Variants in CLDN16 observed in about 807,000 individuals in gnomAD.
CLDN16 encodes claudin-16.
Under a neutral mutation model 24.6 loss-of-function variants are expected in CLDN16, and 13 were observed. That is an observed-to-expected ratio of 0.53 (90% CI 0.34 to 0.84). The LOEUF is 0.84. Among genes scored for constraint, CLDN16 ranks in the 40% least tolerant of loss-of-function variants. The probability of loss-of-function intolerance (pLI) is 0.01; values close to 1 mark genes in which losing one functional copy is unlikely to be tolerated. For synonymous variants in CLDN16, 116 were observed against 106.7 expected (o/e 1.09, Z -0.54); for missense variants, 298 against 292.7 (o/e 1.02, Z -0.13).
intron 4 of CLDN16, among the ~76,000 whole-genome samples, chr3:190,408,873 A>T (rs1483870893): frequency 6.7e-6 from 1 of 148,286 alleles, no homozygotes; most frequent in East Asian, 1.9e-4. Flanking sequence ...TATACTATAT[A>T]TACATACTGT....
In CLDN16 at chr3:190,404,823, T is replaced by G; in HGVS notation, c.279T>G (p.Phe93Leu). 1 of 1,614,126 alleles carries G rather than the reference T, an allele frequency of 6.2e-7. No individual in the cohort carries two copies. Among genetic ancestry groups the G allele is most frequent in the Non-Finnish European group, 8.5e-7 (1 of 1,179,990 alleles). ...ITADILAGFG[F>L]LTLLLGLDCV... ...CAGATATTCTAGCTGGGTTTGGATT[T>G]CTCACCCTGCTCCTTGGTCTTGACT... is the stretch of plus-strand genomic sequence containing the variant. The change falls in exon 3 of 5, where the codon TTT becomes TTG. Residue 93 changes from phenylalanine to leucine, a missense_variant. Transcript: ENST00000264734.
intron 1 of CLDN16, among the ~76,000 whole-genome samples, chr3:190,334,299 G>A (rs1014986024): frequency 6.6e-6 from 1 of 152,142 alleles, no homozygotes; most frequent in Non-Finnish European, 1.5e-5. Flanking sequence ...TCAGATAAGA[G>A]GAAAAGTATT....
At chr3:190,370,696 T>C (rs1718121538) in intron 1 of CLDN16, among the ~76,000 whole-genome samples, 1 of 151,932 alleles carries the variant, frequency 6.6e-6, no homozygotes, top group Non-Finnish European at 1.5e-5. Flanking sequence ...AAAGTATTGA[T>C]TCCTGGTGTG....
intron 1 of CLDN16, among the ~76,000 whole-genome samples, chr3:190,397,917 G>C (rs1333539063): frequency 1.3e-5 from 2 of 152,178 alleles, no homozygotes; most frequent in African/African-American, 4.8e-5. Context: ...TGTAAAATAA[G>C]AATTTTTGAA....
chr3:190,339,783 A>T (rs1717388228), intron 1 of CLDN16, among the ~76,000 whole-genome samples: 1 of 152,234 alleles, frequency 6.6e-6, no homozygotes, highest in African/African-American at 2.4e-5. Context: ...TTAATAGTGA[A>T]TAATGACTAT....
intron 1 of CLDN16, among the ~76,000 whole-genome samples, chr3:190,355,428 C>T (rs1717747616): frequency 6.6e-6 from 1 of 151,804 alleles, no homozygotes; most frequent in Non-Finnish European, 1.5e-5. Flanking sequence ...TTTTGGACTA[C>T]AAAAGCAATG....
rs78173060 is a variant in CLDN16, at chr3:190,381,335, C to G, written n.306+6732C>G. Among the ~76,000 whole-genome samples, 648 of 152,164 alleles carry G rather than the reference C, an allele frequency of 4.3e-3. 9 individuals carry two copies. The highest frequency in any genetic ancestry group is 0.015 in the African/African-American group (624 of 41,522). On this transcript the variant is annotated intron_variant and non_coding_transcript_variant, in intron 3 of 4. Transcript: ENST00000468220. The stretch of plus-strand genomic sequence containing the variant: ...AAAAAAGATGCTACCTAATCTGTTG[C>G]TTGATCACTGTTACTCTCTTGTCTA...
intron 1 of CLDN16, among the ~76,000 whole-genome samples, chr3:190,369,501 C>T (rs1020698868): frequency 2.0e-5 from 3 of 151,884 alleles, no homozygotes; most frequent in Non-Finnish European, 4.4e-5. Context: ...AATAGAAAAT[C>T]TAGATAAGCA....
Position 190,411,522 on chromosome 3 carries a change from T to C in CLDN16, c.*1486T>C, listed in dbSNP as rs1025637829. 2 of 150,494 alleles carry C rather than the reference T, an allele frequency of 1.3e-5. No individual in the cohort carries two copies. The highest frequency in any genetic ancestry group is 6.6e-5 in the Admixed American group (1 of 15,184). The allele number at this position is 150,494 out of a possible 1,614,324, so 9.3% of individuals were successfully genotyped here. ...GCAGTACCTGAAAAGAATATCAACCTGAAAAGAATATCAACTCACCCAGAA... is the reference window on the plus strand; with the variant it reads ...GCAGTACCTGAAAAGAATATCAACCCGAAAAGAATATCAACTCACCCAGAA... On this transcript the variant is annotated 3_prime_UTR_variant, in exon 5 of 5. Coordinates refer to ENST00000264734, the MANE Select transcript of CLDN16 (RefSeq NM_006580.4).
the CLDN16 span, chr3:190,306,312 T>A: frequency 6.6e-6 from 1 of 152,242 alleles, no homozygotes; most frequent in African/African-American, 2.4e-5. Context: ...CAGAATCTTA[T>A]TTGTTTAGTG....
chr3:190,334,925 A>G (rs747450163), intron 1 of CLDN16, among the ~76,000 whole-genome samples: 9 of 151,964 alleles, frequency 5.9e-5, no homozygotes, highest in Non-Finnish European at 1.0e-4. Context: ...CTCTGGAAAC[A>G]ATTTGTACTC....
the CLDN16 span, among the ~76,000 whole-genome samples, chr3:190,313,860 T>G: frequency 6.6e-6 from 1 of 152,208 alleles, no homozygotes. Flanking sequence ...GTTTGAGACA[T>G]TATCACTATG....
At chr3:190,346,731 G>A (rs551447614) in intron 1 of CLDN16, among the ~76,000 whole-genome samples, 16 of 152,200 alleles carry the variant, frequency 1.1e-4, no homozygotes, top group African/African-American at 3.4e-4. Flanking sequence ...CCTTCTCCTA[G>A]CTTGTAGTGG....
the CLDN16 span, among the ~76,000 whole-genome samples, chr3:190,301,219 G>A: frequency 2.0e-5 from 3 of 152,148 alleles, no homozygotes; most frequent in African/African-American, 7.2e-5. Flanking sequence ...TCCAGGTTGG[G>A]TGCGGTGACT....
intron 1 of CLDN16, among the ~76,000 whole-genome samples, chr3:190,391,560 C>T (rs1390048605): frequency 2.6e-5 from 4 of 152,122 alleles, no homozygotes; most frequent in African/African-American, 9.7e-5. Context: ...TTGAGCAAAG[C>T]CTTGAAACGA....
At chr3:190,332,529 C>T (rs1168225692) in intron 1 of CLDN16, among the ~76,000 whole-genome samples, 6 of 152,078 alleles carry the variant, frequency 3.9e-5, no homozygotes, top group Non-Finnish European at 8.8e-5. Context: ...CACTTACTCA[C>T]CTGTGCAATT....
At chr3:190,303,761 A>G in the CLDN16 span, among the ~76,000 whole-genome samples, 3 of 152,226 alleles carry the variant, frequency 2.0e-5, no homozygotes, top group East Asian at 3.8e-4. Flanking sequence ...TTTACTTTGT[A>G]TTATTGACTA....
intron 1 of CLDN16, among the ~76,000 whole-genome samples, chr3:190,392,161 AT>A (rs1221886675): frequency 6.7e-6 from 1 of 149,680 alleles, no homozygotes; most frequent in Non-Finnish European, 1.5e-5. Flanking sequence ...TTCTCCAGAC[AT>A]TTCCATTGGG....
chr3:190,396,232 A>C (rs1252488668), intron 1 of CLDN16, among the ~76,000 whole-genome samples: 2 of 152,162 alleles, frequency 1.3e-5, no homozygotes, highest in Non-Finnish European at 2.9e-5. Flanking sequence ...TAACACTTTT[A>C]AGTGACATCC....
Sources: gnomAD v4.1 joint callset for allele counts (sites outside exome capture counted in the v4.1 genomes callset) on GRCh38, gnomAD v4.1.1 for gene constraint, MANE v1.5 for transcripts, NCBI Gene and HGNC (gene_info 2026-07-23, HGNC 2026-07-21) for gene names.